Variants in TRIM52 observed in about 807,000 individuals in gnomAD.
TRIM52 encodes tripartite motif containing 52, also known as E3 ubiquitin-protein ligase TRIM52.
A neutral mutation model predicts 27.0 loss-of-function variants in TRIM52; 24 were observed. The ratio of observed to expected loss-of-function variants is 0.89; its 90% CI spans 0.64 to 1.25. The LOEUF (loss-of-function observed/expected upper bound fraction) is 1.25, where lower values mean the gene tolerates loss of function less well. Ranked by LOEUF, TRIM52 falls within the 50% of genes most tolerant of loss-of-function variation. TRIM52 has a pLI of 0.00. For synonymous variants in TRIM52, 125 were observed against 126.5 expected, an observed-to-expected ratio of 0.99 and a Z score of 0.08; for missense variants, 351 against 354.7, an observed-to-expected ratio of 0.99 and a Z score of 0.08.
In TRIM52 at chr5:181,257,545, A is replaced by AGAT. The variant is rs778510959; in HGVS notation, c.814-689_814-687dup. On this transcript the variant is annotated intron_variant, in intron 1 of 1. Coordinates refer to ENST00000688015, the MANE Select transcript of TRIM52 (RefSeq NM_001346048.2). ...TTAACATTGTAACAAAGTATATGAAAGATAATGTATACTGTATTAAATAAA... is the reference window on the plus strand; with the variant it reads ...TTAACATTGTAACAAAGTATATGAAAGATGATAATGTATACTGTATTAAATAAA... 10 of 1,464,804 alleles carry AGAT rather than the reference A, an allele frequency of 6.8e-6. No homozygotes were observed. In the South Asian group the frequency reaches 1.2e-4, roughly 17 times the overall value. The allele number at this position is 1,464,804 out of a possible 1,614,324, so 90.7% of individuals were successfully genotyped here. A position where few individuals can be genotyped will look rare whatever the true frequency, so the allele number is the denominator to read the frequency against.
chr5:181,253,323 C>T (rs1414746286), downstream of TRIM52, among the ~76,000 whole-genome samples: 4 of 142,402 alleles, frequency 2.8e-5, 2 homozygotes, highest in African/African-American at 1.2e-4. Context: ...GCATGAGCCA[C>T]CGTGCCTGGC....
At chr5:181,253,095 GT>G (rs1455121719), downstream of TRIM52, among the ~76,000 whole-genome samples, 21 of 111,762 alleles carry the variant, frequency 1.9e-4, 1 homozygote, top group African/African-American at 7.9e-4. Flanking sequence ...GAGTGCAATG[GT>G]GCGATCTCGG....
chr5:181,250,118 C>G (rs1759603773), downstream of TRIM52, among the ~76,000 whole-genome samples: 1 of 152,040 alleles, frequency 6.6e-6, no homozygotes, highest in African/African-American at 2.4e-5. Context: ...TAGCAGTCCC[C>G]CAGAAAGCAT....
chr5:181,254,812 G>A (rs1759716107), downstream of TRIM52: 1 of 152,296 alleles, frequency 6.6e-6, no homozygotes, highest in Non-Finnish European at 1.5e-5. Flanking sequence ...TGAAGGGCAG[G>A]TGTAATTGGA....
chr5:181,260,267 A>C lies in TRIM52; in HGVS notation c.547T>G (p.Cys183Gly). 1 of 1,614,214 alleles carries C rather than the reference A, an allele frequency of 6.2e-7. No homozygotes were observed. Among genetic ancestry groups the C allele is most frequent in the Middle Eastern group, 1.6e-4 (1 of 6,062 alleles). Reference protein sequence around the residue: ...PSLPLPGQFTCPQCRKSFTRR... With the variant: ...PSLPLPGQFTGPQCRKSFTRR... ...GTAAAGCTCTTTCGGCACTGGGGGC[A>C]GGTGAACTGCCCTGGAAGGGGCAAG... The change falls in exon 1 of 2, where the codon TGC (cysteine) becomes GGC (glycine). Residue 183 changes from cysteine to glycine, a missense_variant. Transcript: ENST00000688015. The surrounding 1 kb of genome is among the most constrained non-coding windows in gnomAD (Gnocchi z 4.4).
chr5:181,257,114 A>G, intron 1 of TRIM52: 4 of 1,063,992 alleles, frequency 3.8e-6, no homozygotes, highest in Non-Finnish European at 4.5e-6. Context: ...TCTGCTTCCT[A>G]AAACCTGACA....
At chr5:181,256,962 T>C in intron 1 of TRIM52, 103 bp from the exon 2 acceptor site, 1 of 986,508 alleles carries the variant, frequency 1.0e-6, no homozygotes, top group Non-Finnish European at 1.2e-6. Context: ...CAAGGAGTAC[T>C]GATGATGGAA....
At chr5:181,249,827 G>GT (rs1237894738), downstream of TRIM52, among the ~76,000 whole-genome samples, 4,706 of 128,420 alleles carry the variant, frequency 0.037, 169 homozygotes, top group African/African-American at 0.054. Flanking sequence ...ATCACTTGCA[G>GT]TTTTTTTTTT....
chr5:181,250,500 C>T (rs1424408780), downstream of TRIM52, among the ~76,000 whole-genome samples: 1 of 151,344 alleles, frequency 6.6e-6, no homozygotes, highest in East Asian at 1.9e-4. Flanking sequence ...TGCGTCACCG[C>T]ACTCCAGCCT....
chr5:181,254,303 G>GAGAGAA (rs1759700921), downstream of TRIM52: 1 of 134,866 alleles, frequency 7.4e-6, no homozygotes, highest in Admixed American at 7.1e-5. Context: ...GAGAGAGAGA[G>GAGAGAA]AGAGAAAGAA....
At chr5:181,253,962 C>A (rs1339823504), downstream of TRIM52, among the ~76,000 whole-genome samples, 1 of 142,502 alleles carries the variant, frequency 7.0e-6, no homozygotes, top group East Asian at 2.2e-4. Context: ...CAGAGTGAGA[C>A]CCTGGCTCAA....
Position 181,256,757 on chromosome 5 carries a change from A to C in TRIM52, c.*52T>G, listed in dbSNP as rs1759795629. On this transcript the variant is annotated 3_prime_UTR_variant, in exon 2 of 2. Transcript: ENST00000688015. The stretch of plus-strand genomic sequence containing the variant: ...AAAGCTGCAGAGAATCGGGCTTTGC[A>C]GAACACTCCACTGTTTTTAATGGCA... The C allele has an allele frequency of 1.0e-6, 1 of 959,716 alleles. No homozygotes were observed. The highest frequency in any genetic ancestry group is 6.2e-5 in the Admixed American group (1 of 16,222). 59.5% of individuals were successfully genotyped at this position (959,716 alleles called of 1,614,324 possible).
downstream of TRIM52, among the ~76,000 whole-genome samples, chr5:181,251,476 C>G (rs749725358): frequency 6.6e-6 from 1 of 152,088 alleles, no homozygotes; most frequent in Non-Finnish European, 1.5e-5. Context: ...AACAAAAAAA[C>G]CCTCCAAAGG....
chr5:181,249,332 G>A (rs1759587173), downstream of TRIM52, among the ~76,000 whole-genome samples: 1 of 151,924 alleles, frequency 6.6e-6, no homozygotes, highest in Admixed American at 6.6e-5. Flanking sequence ...ATGACTAAGA[G>A]GTCTCTCTCA....
chr5:181,251,244 A>G (rs1242083047), downstream of TRIM52, among the ~76,000 whole-genome samples: 3 of 151,948 alleles, frequency 2.0e-5, no homozygotes, highest in Non-Finnish European at 2.9e-5. Context: ...CAGTGAGCCG[A>G]GGTCGTGTCA....
At chr5:181,258,021 A>AT (rs1433526696) in intron 1 of TRIM52, 1 of 150,568 alleles carries the variant, frequency 6.6e-6, no homozygotes, top group Admixed American at 6.6e-5. Context: ...ATAAATAAAA[A>AT]TAAAAAAAGA....
At position 181,261,123 on chromosome 5, in the gene TRIM52, G is replaced by C. The variant is rs1760053701; in HGVS notation, c.-310C>G. On this transcript the variant is annotated 5_prime_UTR_variant, in exon 1 of 2. Coordinates refer to ENST00000688015, the MANE Select transcript of TRIM52 (RefSeq NM_001346048.2). ...GGCGTCCGCCTCAGATGCAGCCGCT[G>C]GCTACCCTGCCCGAGGCGACGCAAA... The C allele has an allele frequency of 3.2e-6, 1 of 311,858 alleles. No individual in the cohort carries two copies. The highest frequency in any genetic ancestry group is 2.1e-5 in the African/African-American group (1 of 47,316). The allele number at this position is 311,858 out of a possible 1,614,324, so 19.3% of individuals were successfully genotyped here. A position where few individuals can be genotyped will look rare whatever the true frequency, so the allele number is the denominator to read the frequency against.
chr5:181,260,088 T>C lies in TRIM52; in HGVS notation c.726A>G (p.Lys242=). The C allele has an allele frequency of 1.2e-6, 2 of 1,614,204 alleles. No individual in the cohort carries two copies. The highest frequency in any genetic ancestry group is 1.7e-6 in the Non-Finnish European group (2 of 1,180,028). Residue 242 remains lysine, a synonymous_variant, in exon 1 of 2, where the codon AAA becomes AAG. Coordinates refer to ENST00000688015, the MANE Select transcript of TRIM52 (RefSeq NM_001346048.2). The surrounding 1 kb of genome is among the most constrained non-coding windows in gnomAD (Gnocchi z 4.4). ...CTCGGCACACCACACAGATGGCCTC[T>C]TTGTCCACCTCACAGAAGAGTTTCA... ...EALKLFCEVD[K]EAICVVCRES...
At chr5:181,257,158 ATCTTACT>A (rs1759817086) in intron 1 of TRIM52, 2 of 1,153,842 alleles carry the variant, frequency 1.7e-6, no homozygotes, top group African/African-American at 3.2e-5. Context: ...AATCTAAATG[ATCTTACT>A]TTCATAATTC....
Sources: gnomAD v4.1 joint callset for allele counts (sites outside exome capture counted in the v4.1 genomes callset) on GRCh38, gnomAD v4.1.1 for gene constraint, Gnocchi (gnomAD v3.1) non-coding constraint, MANE v1.5 for transcripts, NCBI Gene and HGNC (gene_info 2026-07-23, HGNC 2026-07-21) for gene names.